The following CD8B variants were observed in gnomAD, a reference collection of about 807,000 sequenced individuals.
CD8B encodes CD8 subunit beta, also known as T-cell surface glycoprotein CD8 beta chain.
A neutral mutation model predicts 24.2 loss-of-function variants in CD8B; 6 were observed. The observed-to-expected ratio is 0.25, with a 90% CI of 0.14 to 0.49. The LOEUF (loss-of-function observed/expected upper bound fraction) is 0.49, where lower values mean the gene tolerates loss of function less well. Ranked by LOEUF, CD8B falls within the 20% of genes least tolerant of loss-of-function variation. The pLI, the probability that CD8B is intolerant of heterozygous loss-of-function variation, is 0.98. For synonymous variants in CD8B, 84 were observed against 108.3 expected (o/e 0.78, Z 1.39); for missense variants, 196 against 271.3 (o/e 0.72, Z 1.95).
At chr2:86,854,236 G>A (rs569169412) in intron 2 of CD8B, among the ~76,000 whole-genome samples, 1 of 151,994 alleles carries the variant, frequency 6.6e-6, no homozygotes, top group Admixed American at 6.6e-5. Context: ...TGAGCCCCAG[G>A]GCTGGATCGC....
intron 2 of CD8B, 62 bp downstream of exon 2, chr2:86,857,995 G>C: frequency 1.3e-6 from 2 of 1,563,316 alleles, no homozygotes; most frequent in East Asian, 2.3e-5. Context: ...GGTGGTCCCA[G>C]TGCCTGGCAC....
At chr2:86,848,193 TG>T (rs1183194723) in intron 3 of CD8B, among the ~76,000 whole-genome samples, 7 of 152,236 alleles carry the variant, frequency 4.6e-5, no homozygotes, top group African/African-American at 1.7e-4. Context: ...TGACAGATGC[TG>T]TCAAATGCCT....
chr2:86,858,178 C>G lies in CD8B; in HGVS notation c.282G>C (p.Arg94=), dbSNP rs753527031. The change falls in exon 2 of 6, where the codon CGG becomes CGC. Residue 94 remains arginine (R), a synonymous_variant. Coordinates refer to ENST00000390655, the MANE Select transcript of CD8B (RefSeq NM_004931.5). ...GATTGAGAATGAACCGGCTTGCATCCCGAAACACAGCTATCTTCTCCTGTT... is the reference window on the plus strand; with the variant it reads ...GATTGAGAATGAACCGGCTTGCATCGCGAAACACAGCTATCTTCTCCTGTT... ...EVEQEKIAVF[R]DASRFILNLT... is the part of the protein sequence containing the mutation. The G allele has an allele frequency of 2.8e-5, 45 of 1,613,980 alleles. No homozygotes were observed. The highest frequency in any genetic ancestry group is 3.7e-5 in the Non-Finnish European group (44 of 1,179,848).
downstream of CD8B, among the ~76,000 whole-genome samples, chr2:86,833,669 G>T (rs1453555382): frequency 2.2e-5 from 2 of 90,108 alleles, no homozygotes; most frequent in Non-Finnish European, 4.4e-5. Flanking sequence ...TCCTTTTCTT[G>T]GGGGGCAGTG....
At chr2:86,857,731 T>A (rs1332244792) in intron 2 of CD8B, among the ~76,000 whole-genome samples, 1 of 151,936 alleles carries the variant, frequency 6.6e-6, no homozygotes, top group Admixed American at 6.6e-5. Flanking sequence ...AAAAAAATAA[T>A]AATAATAAAT....
intron 3 of CD8B, among the ~76,000 whole-genome samples, chr2:86,847,537 G>T (rs1229955559): frequency 6.6e-6 from 1 of 152,054 alleles, no homozygotes; most frequent in Non-Finnish European, 1.5e-5. Context: ...TATACATATA[G>T]GGTTTGTTCG....
chr2:86,830,954 C>T (rs1485708134), intron 5 of CD8B, among the ~76,000 whole-genome samples: 2 of 150,434 alleles, frequency 1.3e-5, no homozygotes, highest in South Asian at 2.1e-4. Flanking sequence ...TTTTAAGAAA[C>T]GTTATTTATT....
chr2:86,815,463 AG>A (rs1674196225), downstream of CD8B: 1 of 652,254 alleles, frequency 1.5e-6, no homozygotes, highest in African/African-American at 1.8e-5. Context: ...ACAGCTCACC[AG>A]GGCAGAACTT....
downstream of CD8B, among the ~76,000 whole-genome samples, chr2:86,836,421 C>T (rs540779761): frequency 4.6e-5 from 7 of 152,038 alleles, no homozygotes; most frequent in Non-Finnish European, 7.4e-5. Context: ...CATGCCGCAC[C>T]CCTAGTCCCA....
chr2:86,815,718 C>A (rs1674213277), exon 6 of CD8B: 2 of 1,558,916 alleles, frequency 1.3e-6, no homozygotes, highest in African/African-American at 1.4e-5. Flanking sequence ...CCCCTTGAGG[C>A]CTTGCAAAAA....
chr2:86,824,335 AC>A (rs1379042381), intron 5 of CD8B, among the ~76,000 whole-genome samples: 1 of 151,728 alleles, frequency 6.6e-6, no homozygotes, highest in Non-Finnish European at 1.5e-5. Context: ...TCAGCCCGAA[AC>A]CCCCATTTTG....
intron 4 of CD8B, among the ~76,000 whole-genome samples, chr2:86,845,893 C>T (rs945944408): frequency 1.1e-4 from 16 of 152,222 alleles, no homozygotes; most frequent in East Asian, 3.9e-4. Context: ...TTATTTTCAT[C>T]GTATGTTCAA....
In CD8B at chr2:86,861,785, G is replaced by C. The variant is rs1184487626; in HGVS notation, c.43+38C>G. The C allele has an allele frequency of 3.2e-6, 4 of 1,256,108 alleles. No individual in the cohort carries two copies. In the Admixed American group the frequency reaches 1.3e-4, roughly 39 times the overall value. 77.8% of individuals were successfully genotyped at this position (1,256,108 alleles called of 1,614,324 possible). ...TCACCTCCCCGCTCAGGCCCCGGGAGCGCAGACCCTTGGGTAGCCCGCGCG... is the reference window on the plus strand; with the variant it reads ...TCACCTCCCCGCTCAGGCCCCGGGACCGCAGACCCTTGGGTAGCCCGCGCG... On this transcript the variant is annotated intron_variant, in intron 1 of 5. Coordinates refer to ENST00000390655, the MANE Select transcript of CD8B (RefSeq NM_004931.5).
intron 5 of CD8B, among the ~76,000 whole-genome samples, chr2:86,821,512 CTTGAG>C (rs1233998965): frequency 6.6e-6 from 1 of 152,158 alleles, no homozygotes; most frequent in African/African-American, 2.4e-5. Flanking sequence ...TGCGGACACA[CTTGAG>C]TTAAGATCAC....
chr2:86,829,202 C>T (rs1573494818), intron 5 of CD8B, among the ~76,000 whole-genome samples: 1 of 141,688 alleles, frequency 7.1e-6, no homozygotes, highest in African/African-American at 2.6e-5. Flanking sequence ...TGGGTTTAAG[C>T]GATTTCCCCC....
At chr2:86,832,587 C>T (rs1325157687) in intron 5 of CD8B, among the ~76,000 whole-genome samples, 4 of 151,900 alleles carry the variant, frequency 2.6e-5, no homozygotes, top group African/African-American at 7.3e-5. Flanking sequence ...GAATAAATGC[C>T]GACACTTCAG....
intron 5 of CD8B, chr2:86,832,927 C>A: frequency 4.3e-6 from 1 of 232,536 alleles, no homozygotes; most frequent in Non-Finnish European, 8.8e-6. Flanking sequence ...CTCCTCTCCT[C>A]TCCTCTCCTC....
chr2:86,844,905 C>G lies in CD8B; in HGVS notation c.620+17G>C. 2 of 1,557,676 alleles carry G rather than the reference C, an allele frequency of 1.3e-6. No homozygotes were observed. Among genetic ancestry groups the G allele is most frequent in the Non-Finnish European group, 1.7e-6 (2 of 1,150,438 alleles). On this transcript the variant is annotated intron_variant, in intron 5 of 5. Coordinates refer to ENST00000390655, the MANE Select transcript of CD8B (RefSeq NM_004931.5). ...GGGGCTGAGGAACCCAAGGCCACAC[C>G]CAGGTTATACACTTACTGTTTCATG...
downstream of CD8B, among the ~76,000 whole-genome samples, chr2:86,834,263 C>T (rs1451242238): frequency 2.0e-5 from 3 of 151,936 alleles, no homozygotes; most frequent in Non-Finnish European, 4.4e-5. Context: ...ACCTGTGTGC[C>T]CTTGGCCACA....
Sources: gnomAD v4.1 joint callset for allele counts (sites outside exome capture counted in the v4.1 genomes callset) on GRCh38, gnomAD v4.1.1 for gene constraint, MANE v1.5 for transcripts, NCBI Gene and HGNC (gene_info 2026-07-23, HGNC 2026-07-21) for gene names.